The following FAM241A variants were observed in gnomAD, a reference collection of about 807,000 sequenced individuals.
FAM241A encodes family with sequence similarity 241 member A, also known as uncharacterized protein FAM241A.
Under a neutral mutation model 12.2 loss-of-function variants are expected in FAM241A, and 7 were observed. The observed-to-expected ratio is 0.58, with a 90% CI of 0.33 to 1.08. The LOEUF is 1.08. FAM241A is among the 50% of genes least tolerant of loss of function. FAM241A has a pLI of 0.04. For synonymous variants in FAM241A, 74 were observed against 68.2 expected (o/e 1.08, Z -0.42); for missense variants, 161 against 169.7 (o/e 0.95, Z 0.29).
Position 112,186,881 on chromosome 4 carries a change from G to T in FAM241A, c.342G>T (p.Leu114=), listed in dbSNP as rs751196818. 1 of 1,613,948 alleles carries T rather than the reference G, an allele frequency of 6.2e-7. No homozygotes were observed. Among genetic ancestry groups the T allele is most frequent in the Non-Finnish European group, 8.5e-7 (1 of 1,179,964 alleles). The change falls in exon 2 of 2, where the codon CTG becomes CTT. Residue 114 remains leucine (L), a synonymous_variant. Coordinates refer to ENST00000309733, the MANE Select transcript of FAM241A (RefSeq NM_152400.3). The stretch of plus-strand genomic sequence containing the variant: ...GGGTTATGCTGTGGTTCCTTGGCCT[G>T]CAAGCCCTTGGACTAGTTGCTGTTC... ...FFWVMLWFLG[L]QALGLVAVLC...
At chr4:112,158,938 C>G (rs1440237525) in intron 1 of FAM241A, among the ~76,000 whole-genome samples, 1 of 152,066 alleles carries the variant, frequency 6.6e-6, no homozygotes, top group Non-Finnish European at 1.5e-5. Context: ...TTTTTTCTGA[C>G]TGTATGATTG....
intron 1 of FAM241A, among the ~76,000 whole-genome samples, chr4:112,157,398 G>T (rs1246548429): frequency 1.3e-5 from 2 of 152,036 alleles, no homozygotes; most frequent in African/African-American, 4.8e-5. Context: ...TCTAAGCAAT[G>T]CCATAGAGAC....
intron 1 of FAM241A, among the ~76,000 whole-genome samples, chr4:112,147,382 C>G (rs1247848409): frequency 6.6e-6 from 1 of 152,070 alleles, no homozygotes; most frequent in Non-Finnish European, 1.5e-5. Flanking sequence ...AAAATCACAC[C>G]GGAGATAGGC....
At chr4:112,177,721 G>C (rs1432015948) in intron 1 of FAM241A, among the ~76,000 whole-genome samples, 2 of 152,110 alleles carry the variant, frequency 1.3e-5, no homozygotes, top group African/African-American at 4.8e-5. Context: ...GAGAGAATCA[G>C]ACCCCCAAGA....
chr4:112,171,542 T>C (rs1392399165), intron 1 of FAM241A: 1 of 752,834 alleles, frequency 1.3e-6, no homozygotes, highest in Non-Finnish European at 2.4e-6. Flanking sequence ...TGTCATCTTT[T>C]GTTTTATTAT....
At chr4:112,167,853 T>C (rs1332192210) in intron 1 of FAM241A, among the ~76,000 whole-genome samples, 1 of 152,230 alleles carries the variant, frequency 6.6e-6, no homozygotes, top group Non-Finnish European at 1.5e-5. Context: ...ATTCTGTGAA[T>C]CAAGGATTGT....
intron 1 of FAM241A, 48 bp from the exon 2 acceptor site, chr4:112,186,645 T>C (rs903992048): frequency 1.9e-6 from 3 of 1,550,794 alleles, no homozygotes; most frequent in Non-Finnish European, 2.6e-6. Flanking sequence ...GACGTTTACA[T>C]ATTTCTCATG....
chr4:112,162,779 T>G (rs1355346262), intron 1 of FAM241A, among the ~76,000 whole-genome samples: 1 of 152,160 alleles, frequency 6.6e-6, no homozygotes, highest in East Asian at 1.9e-4. Flanking sequence ...AAGCTACCAA[T>G]GACTTTCTTC....
At position 112,188,767 on chromosome 4, in the gene FAM241A, T is replaced by C. The variant is rs1211583750; in HGVS notation, c.*1829T>C. 1 of 152,224 alleles carries C rather than the reference T, an allele frequency of 6.6e-6. No homozygotes were observed. Among genetic ancestry groups the C allele is most frequent in the Non-Finnish European group, 1.5e-5 (1 of 68,028 alleles). The allele number at this position is 152,224 out of a possible 1,614,324, so 9.4% of individuals were successfully genotyped here. On this transcript the variant is annotated 3_prime_UTR_variant, in exon 2 of 2. Coordinates refer to ENST00000309733, the MANE Select transcript of FAM241A (RefSeq NM_152400.3). ...GATATGATGTACAAAATAACAGCTC[T>C]GGTTCCACCAGTACCTAATGTTGAA...
Position 112,145,645 on chromosome 4 carries a change from C to A in FAM241A, c.65C>A (p.Ala22Glu). 1 of 1,220,668 alleles carries A rather than the reference C, an allele frequency of 8.2e-7. No individual in the cohort carries two copies. The highest frequency in any genetic ancestry group is 1.0e-6 in the Non-Finnish European group (1 of 980,320). The allele number at this position is 1,220,668 out of a possible 1,614,324, so 75.6% of individuals were successfully genotyped here. ...DGGERDEDGD[A>E]LAEREAAGTG... The stretch of plus-strand genomic sequence containing the variant: ...GGGGAACGCGACGAGGACGGGGACG[C>A]GCTGGCGGAGCGGGAGGCGGCAGGG... The change falls in exon 1 of 2, where the codon GCG becomes GAG. Residue 22 changes from alanine to glutamate, a missense_variant. Coordinates refer to ENST00000309733, the MANE Select transcript of FAM241A (RefSeq NM_152400.3).
chr4:112,177,809 G>A (rs1177372966), intron 1 of FAM241A, among the ~76,000 whole-genome samples: 1 of 152,014 alleles, frequency 6.6e-6, no homozygotes, highest in Admixed American at 6.6e-5. Flanking sequence ...ATTTTAGCTA[G>A]CAGCTGTCAT....
At chr4:112,164,271 A>T (rs1315890292) in intron 1 of FAM241A, among the ~76,000 whole-genome samples, 1 of 151,328 alleles carries the variant, frequency 6.6e-6, no homozygotes, top group Non-Finnish European at 1.5e-5. Flanking sequence ...AATTTTTTTA[A>T]AAAAAGGATG....
chr4:112,194,071 G>A lies in FAM241A; in HGVS notation c.*7133G>A, dbSNP rs1047750039. Reference sequence around the variant, plus strand: ...CTTGAAGAGGTCCTTCACGTCCCTTGTAAGTTGGATTCCTAGGTATTTTGT... The same window carrying A: ...CTTGAAGAGGTCCTTCACGTCCCTTATAAGTTGGATTCCTAGGTATTTTGT... On this transcript the variant is annotated 3_prime_UTR_variant, in exon 2 of 2. Transcript: ENST00000309733. 5 of 141,112 alleles carry A rather than the reference G, an allele frequency of 3.5e-5. No individual in the cohort carries two copies. Among genetic ancestry groups the A allele is most frequent in the Non-Finnish European group, 6.1e-5 (4 of 65,952 alleles). 8.7% of individuals were successfully genotyped at this position (141,112 alleles called of 1,614,324 possible).
chr4:112,181,284 G>T (rs1169252330), intron 1 of FAM241A, among the ~76,000 whole-genome samples: 1 of 151,594 alleles, frequency 6.6e-6, no homozygotes, highest in East Asian at 1.9e-4. Context: ...GATTACTGTA[G>T]TAAATAATAT....
intron 1 of FAM241A, among the ~76,000 whole-genome samples, chr4:112,156,844 G>C (rs2110422231): frequency 6.6e-6 from 1 of 152,254 alleles, no homozygotes; most frequent in South Asian, 2.1e-4. Context: ...TTGAAATGCT[G>C]TATTTAAAAA....
intron 1 of FAM241A, among the ~76,000 whole-genome samples, chr4:112,153,116 C>T (rs1723276853): frequency 6.6e-6 from 1 of 152,038 alleles, no homozygotes; most frequent in South Asian, 2.1e-4. Context: ...GATTGTGAAA[C>T]AATGTATCTA....
chr4:112,154,830 C>T (rs759861378), intron 1 of FAM241A, among the ~76,000 whole-genome samples: 8 of 151,834 alleles, frequency 5.3e-5, no homozygotes, highest in South Asian at 4.2e-4. Flanking sequence ...GCCAGGAGTT[C>T]GAGACCAGCC....
chr4:112,186,938 A>G lies in FAM241A; in HGVS notation c.399A>G (p.Ter133=). 1 of 1,609,840 alleles carries G rather than the reference A, an allele frequency of 6.2e-7. No individual in the cohort carries two copies. The highest frequency in any genetic ancestry group is 1.1e-5 in the South Asian group (1 of 90,526). ...LCLVIIYVQQ[*] is the part of the protein sequence containing the mutation. ...TTGTTATTATTTATGTGCAACAGTA[A>G]AACATGGCCGAATTGAATTGTTTGA... Residue 133 remains the stop codon, a stop_retained_variant, in exon 2 of 2, where the codon TAA becomes TAG. Coordinates refer to ENST00000309733, the MANE Select transcript of FAM241A (RefSeq NM_152400.3).
intron 1 of FAM241A, among the ~76,000 whole-genome samples, chr4:112,179,516 C>T (rs1479966932): frequency 6.6e-6 from 1 of 151,596 alleles, no homozygotes; most frequent in African/African-American, 2.4e-5. Context: ...AATGAGAACA[C>T]TTGGACACAG....
Sources: allele counts gnomAD v4.1 joint callset (sites outside exome capture counted in the v4.1 genomes callset), GRCh38; gene constraint gnomAD v4.1.1; transcripts MANE v1.5; gene names NCBI Gene and HGNC (gene_info 2026-07-23, HGNC 2026-07-21).